Variants in SHROOM4 observed in about 807,000 individuals in gnomAD.
The protein encoded by SHROOM4 is shroom family member 4, also known as protein Shroom4.
SHROOM4 carries 17 observed loss-of-function variants against 80.3 expected under a neutral mutation model. The ratio of observed to expected loss-of-function variants is 0.21; its 90% confidence interval spans 0.14 to 0.32. The LOEUF (loss-of-function observed/expected upper bound fraction) is 0.32, where lower values mean the gene tolerates loss of function less well. SHROOM4 is among the 10% of genes least tolerant of loss of function. The probability of loss-of-function intolerance (pLI) is 1.00; values close to 1 mark genes in which losing one functional copy is unlikely to be tolerated. For missense variants in SHROOM4, 993 were observed against 1,140.3 expected (o/e 0.87, Z 1.86); for synonymous variants, 400 against 437.5 (o/e 0.91, Z 1.07).
chrX:50,699,484 A>G (rs191856750), intron 1 of SHROOM4, among the ~76,000 whole-genome samples: 1 of 111,830 alleles, frequency 8.9e-6, no homozygotes, highest in East Asian at 2.8e-4. Context: ...TGACACAGAT[A>G]ATCTCAGCTT....
At chrX:50,664,508 T>G (rs1213868960) in intron 2 of SHROOM4, among the ~76,000 whole-genome samples, 1 of 111,578 alleles carries the variant, frequency 9.0e-6, no homozygotes, top group Non-Finnish European at 1.9e-5. Context: ...CAAAGGGAGA[T>G]GAGATGCAGC....
At chrX:50,685,156 G>T (rs1251573330) in intron 2 of SHROOM4, among the ~76,000 whole-genome samples, 1 of 111,892 alleles carries the variant, frequency 8.9e-6, no homozygotes, top group Non-Finnish European at 1.9e-5. Flanking sequence ...GCAGGACGAA[G>T]GAAAAGGAAA....
intron 1 of SHROOM4, among the ~76,000 whole-genome samples, chrX:50,750,775 A>G (rs782183757): frequency 6.3e-5 from 7 of 111,917 alleles, no homozygotes; most frequent in Non-Finnish European, 1.1e-4. Flanking sequence ...AATATTTATC[A>G]TCCTTCATCA....
intron 1 of SHROOM4, among the ~76,000 whole-genome samples, chrX:50,726,054 T>C (rs1934236621): frequency 8.9e-6 from 1 of 111,831 alleles, no homozygotes; most frequent in Admixed American, 9.5e-5. Flanking sequence ...AAGAACTTAT[T>C]GGGAACTGGA....
intron 2 of SHROOM4, among the ~76,000 whole-genome samples, chrX:50,673,252 G>A (rs370751963): frequency 2.7e-5 from 3 of 111,291 alleles, no homozygotes; most frequent in South Asian, 7.5e-4. Context: ...AAATATTTAA[G>A]ATAATTTTAT....
intron 1 of SHROOM4, among the ~76,000 whole-genome samples, chrX:50,744,814 C>T (rs1442504367): frequency 1.7e-4 from 19 of 111,835 alleles, no homozygotes; most frequent in Admixed American, 1.5e-3. Context: ...TGGACTAATT[C>T]TCTCTGAAGT....
chrX:50,644,364 C>T (rs73634240), intron 2 of SHROOM4, among the ~76,000 whole-genome samples: 1,688 of 111,564 alleles, frequency 0.015, 12 homozygotes, highest in Middle Eastern at 0.079. Flanking sequence ...TGAATTCAAT[C>T]GTCACAAATG....
At chrX:50,758,190 T>C (rs1190267089) in intron 1 of SHROOM4, among the ~76,000 whole-genome samples, 1 of 111,997 alleles carries the variant, frequency 8.9e-6, no homozygotes, top group Non-Finnish European at 1.9e-5. Flanking sequence ...ATATTATCTA[T>C]GAATAAAGAC....
Position 50,633,957 on chromosome X carries a change from C to CA in SHROOM4, c.2115dup (p.Asp706Ter). On this transcript the variant is annotated frameshift_variant, in exon 4 of 9. Transcript: ENST00000376020. LOFTEE classifies it high-confidence loss of function. ...TTCTCAGGGTCTGAGGAGGATGGGT[C>CA]AGGTGCTTTCCACCAGGTGTTCAGG... The CA allele has an allele frequency of 8.3e-7, 1 of 1,211,771 alleles. No individual in the cohort carries two copies. The highest frequency in any genetic ancestry group is 1.1e-6 in the Non-Finnish European group (1 of 895,512).
chrX:50,668,784 T>C (rs1432043758), intron 2 of SHROOM4, among the ~76,000 whole-genome samples: 2 of 112,170 alleles, frequency 1.8e-5, no homozygotes, highest in Admixed American at 9.4e-5. Flanking sequence ...GTAGAATATA[T>C]AAAGAAGAAC....
At chrX:50,656,695 CT>C (rs1375265734) in intron 2 of SHROOM4, among the ~76,000 whole-genome samples, 48 of 103,217 alleles carry the variant, frequency 4.7e-4, no homozygotes, top group Admixed American at 7.3e-4. Flanking sequence ...ATGCCTCCAG[CT>C]TTTTTTTTTT....
At chrX:50,675,541 TG>T (rs782191686) in intron 2 of SHROOM4, among the ~76,000 whole-genome samples, 5 of 110,658 alleles carry the variant, frequency 4.5e-5, no homozygotes, top group African/African-American at 1.6e-4. Flanking sequence ...TGTTTCTGGA[TG>T]GGGGGAAAGT....
At chrX:50,812,523 A>T (rs191991784) in intron 1 of SHROOM4, among the ~76,000 whole-genome samples, 1 of 109,806 alleles carries the variant, frequency 9.1e-6, no homozygotes, top group Admixed American at 9.7e-5. Context: ...CAGCCCCTCA[A>T]AATGTTGCCT....
At chrX:50,636,239 G>T (rs915975555) in intron 3 of SHROOM4, among the ~76,000 whole-genome samples, 1 of 110,769 alleles carries the variant, frequency 9.0e-6, no homozygotes, top group African/African-American at 3.3e-5. Flanking sequence ...CCCAGGTGCT[G>T]CTGGGGCTGC....
chrX:50,753,800 C>T (rs1370047464), intron 1 of SHROOM4, among the ~76,000 whole-genome samples: 2 of 111,449 alleles, frequency 1.8e-5, no homozygotes, highest in Admixed American at 9.5e-5. Flanking sequence ...AGGGCATATA[C>T]GTATTGTTAT....
At chrX:50,691,883 A>G (rs782459430) in intron 2 of SHROOM4, among the ~76,000 whole-genome samples, 1 of 111,841 alleles carries the variant, frequency 8.9e-6, no homozygotes, top group South Asian at 3.8e-4. Context: ...TTAATTTCCT[A>G]TACCGTGCCC....
intron 1 of SHROOM4, among the ~76,000 whole-genome samples, chrX:50,811,038 G>A (rs1936318713): frequency 8.9e-6 from 1 of 112,308 alleles, no homozygotes; most frequent in South Asian, 3.7e-4. Context: ...TTGGCCAGGA[G>A]TGGTGGCTCA....
rs377330907 is a variant in SHROOM4, at chrX:50,669,662, T to C, written c.269+26124A>G. ...CCTGCCACTATTTTATCAACTAAGTTTGTTGAATATCCTAAATCCCTTGTT... is the reference window on the plus strand; with the variant it reads ...CCTGCCACTATTTTATCAACTAAGTCTGTTGAATATCCTAAATCCCTTGTT... On this transcript the variant is annotated intron_variant, in intron 2 of 8. Transcript: ENST00000376020. Among the ~76,000 whole-genome samples the C allele has an allele frequency of 9.6e-4, 108 of 112,148 alleles. 3 individuals carry two copies. In the South Asian group the frequency reaches 0.04, roughly 41 times the overall value.
At chrX:50,606,190 C>T (rs782291150) in intron 6 of SHROOM4, among the ~76,000 whole-genome samples, 3 of 107,429 alleles carry the variant, frequency 2.8e-5, no homozygotes, top group Admixed American at 9.9e-5. Context: ...ACTAACTCAT[C>T]ATCTAGCATT....
Sources: gnomAD v4.1 joint callset for allele counts (sites outside exome capture counted in the v4.1 genomes callset) on GRCh38, gnomAD v4.1.1 for gene constraint, MANE v1.5 for transcripts, NCBI Gene and HGNC (gene_info 2026-07-23, HGNC 2026-07-21) for gene names.